Variants in DHX58 observed in about 807,000 individuals in gnomAD.
DHX58 encodes the protein DExH-box helicase 58, also known as ATP-dependent RNA helicase DHX58.
A neutral mutation model predicts 65.0 loss-of-function variants in DHX58; 51 were observed. That is an observed-to-expected ratio of 0.78 (90% CI 0.63 to 0.99). The LOEUF is 0.99. Among genes scored for constraint, DHX58 ranks in the 50% least tolerant of loss-of-function variants. The pLI is 0.00. For missense variants in DHX58, 773 were observed against 891.8 expected (o/e 0.87, Z 1.70); for synonymous variants, 350 against 365.0 (o/e 0.96, Z 0.47).
At chr17:42,106,073 C>T (rs781940781) in intron 8 of DHX58, 84 bp from the exon 9 acceptor site, 597 of 1,469,310 alleles carry the variant, frequency 4.1e-4, no homozygotes, top group Non-Finnish European at 5.1e-4. Context: ...GCAGAAGGAT[C>T]GCTTAAGCCT....
At chr17:42,104,638 C>G in intron 11 of DHX58, 128 bp downstream of exon 11, 3 of 1,310,916 alleles carry the variant, frequency 2.3e-6, no homozygotes, top group Non-Finnish European at 3.1e-6. Context: ...TAAACCTTCC[C>G]TAGGTGGCCA....
rs371184991 is a variant in DHX58, at chr17:42,105,811, G to A, written c.1176C>T (p.Gly392=). The A allele has an allele frequency of 1.1e-5, 18 of 1,613,624 alleles. No homozygotes were observed. Among genetic ancestry groups the A allele is most frequent in the Non-Finnish European group, 1.4e-5 (17 of 1,179,852 alleles). ...GGGCCCGGATGTCCACAGTCTGCAG[G>A]CCCTGCTGCTGCTGGAGCCAGAGCA... ...SLLLWLQQQQ[G]LQTVDIRAQL... is the part of the protein sequence containing the mutation. Residue 392 remains glycine (G), a synonymous_variant, in exon 9 of 14, where the codon GGC becomes GGT. Transcript: ENST00000251642.
chr17:42,103,697 G>A lies in DHX58; in HGVS notation c.1665C>T (p.Leu555=), dbSNP rs1236939447. The stretch of plus-strand genomic sequence containing the variant: ...CCACAGCCACCATGCAGTTGATGCA[G>A]AGTAGCTGCACGTGCTCCACTGGGA... ...QQFPVEHVQL[L]CINCMVAVGH... The change falls in exon 12 of 14, where the codon CTC becomes CTT. Residue 555 remains leucine, a synonymous_variant. Transcript: ENST00000251642. The A allele has an allele frequency of 6.2e-7, 1 of 1,613,816 alleles. No homozygotes were observed. Among genetic ancestry groups the A allele is most frequent in the Non-Finnish European group, 8.5e-7 (1 of 1,180,040 alleles).
At position 42,102,215 on chromosome 17, in the gene DHX58, C is replaced by T. The variant is rs782265248; in HGVS notation, c.1851+1G>A. 6.2e-7 allele frequency: 1 copy of T among 1,614,170 alleles called. No homozygotes were observed. The highest frequency in any genetic ancestry group is 1.7e-5 in the Admixed American group (1 of 60,022). ...GCCTGGGACGTGGCCTAAGCTCTTA[C>T]CTCCCCACAGTTCCTGCAGCTGATG... is the stretch of plus-strand genomic sequence containing the variant. On this transcript the variant is annotated splice_donor_variant, in intron 13 of 13. Coordinates refer to ENST00000251642, the MANE Select transcript of DHX58 (RefSeq NM_024119.3). LOFTEE classifies it high-confidence loss of function.
chr17:42,111,800 G>T lies in DHX58; in HGVS notation c.93C>A (p.Thr31=). 1 of 1,614,058 alleles carries T rather than the reference G, an allele frequency of 6.2e-7. No individual in the cohort carries two copies. The highest frequency in any genetic ancestry group is 8.5e-7 in the Non-Finnish European group (1 of 1,179,960). The change falls in exon 3 of 14, where the codon ACC becomes ACA. Residue 31 remains threonine, a synonymous_variant. Transcript: ENST00000251642. ...IIWLPTGAGK[T]RAAAYVAKRH... Reference sequence around the variant, plus strand: ...GCTTGGCCACATAAGCAGCCGCCCGGGTCTTCCCGGCACCCGTGGGCAGCC... The same window carrying T: ...GCTTGGCCACATAAGCAGCCGCCCGTGTCTTCCCGGCACCCGTGGGCAGCC...
chr17:42,111,608 C>T, intron 3 of DHX58, 111 bp from the exon 4 acceptor site: 1 of 1,572,594 alleles, frequency 6.4e-7, no homozygotes, highest in South Asian at 1.2e-5. Context: ...GGTGGAAAGA[C>T]AGGTGAGCTT....
rs782390274 is a variant in DHX58, at chr17:42,105,708, C to T, written c.1251+28G>A. 21 of 1,529,256 alleles carry T rather than the reference C, an allele frequency of 1.4e-5. No homozygotes were observed. In the South Asian group the frequency reaches 1.4e-4, roughly 10 times the overall value. The allele number at this position is 1,529,256 out of a possible 1,614,324, so 94.7% of individuals were successfully genotyped here. A position where few individuals can be genotyped will look rare whatever the true frequency, so the allele number is the denominator to read the frequency against. ...TTCTCTCCTATGGAATCCCTCCCAG[C>T]GCCAGCATCTTTCCCCGAAGCCCAC... is the stretch of plus-strand genomic sequence containing the variant. On this transcript the variant is annotated intron_variant, in intron 9 of 13. Coordinates refer to ENST00000251642, the MANE Select transcript of DHX58 (RefSeq NM_024119.3).
At chr17:42,103,872 G>T in intron 11 of DHX58, 74 bp from the exon 12 acceptor site, 1 of 1,484,332 alleles carries the variant, frequency 6.7e-7, no homozygotes, top group Non-Finnish European at 9.1e-7. Context: ...GGTTCCCAAA[G>T]AACTAAGATC....
At position 42,107,908 on chromosome 17, in the gene DHX58, GC is replaced by G; in HGVS notation, c.805+73del. 1.9e-6 allele frequency: 3 copies of G among 1,600,476 alleles called. No individual in the cohort carries two copies. The South Asian group carries it at 3.4e-5, about 18-fold the overall frequency. On this transcript the variant is annotated intron_variant, in intron 7 of 13. Coordinates refer to ENST00000251642, the MANE Select transcript of DHX58 (RefSeq NM_024119.3). ...GGGGTGGATAGGCCCCGCCCCAAAG[GC>G]CTCCGCCCCGGCAGGCCCCGCCCCT...
At chr17:42,106,067 A>T in intron 8 of DHX58, 78 bp from the exon 9 acceptor site, 1 of 1,506,436 alleles carries the variant, frequency 6.6e-7, no homozygotes, top group East Asian at 2.3e-5. Context: ...CTGAGGGCAG[A>T]AGGATCGCTT....
Position 42,102,429 on chromosome 17 carries a change from C to T in DHX58, c.1755-117G>A, listed in dbSNP as rs557259920. ...TTGGGCCTTCCTGCTGGTTAAGAGGCACAGACTTCCCAGGCCAGGAAATCC... is the reference window on the plus strand; with the variant it reads ...TTGGGCCTTCCTGCTGGTTAAGAGGTACAGACTTCCCAGGCCAGGAAATCC... On this transcript the variant is annotated intron_variant, in intron 12 of 13. Coordinates refer to ENST00000251642, the MANE Select transcript of DHX58 (RefSeq NM_024119.3). 2.0e-5 allele frequency: 17 copies of T among 837,292 alleles called. No homozygotes were observed. In the Admixed American group the frequency reaches 3.3e-4, roughly 16 times the overall value. 51.9% of individuals were successfully genotyped at this position (837,292 alleles called of 1,614,324 possible).
chr17:42,106,040 C>A (rs1337777178), intron 8 of DHX58, 51 bp from the exon 9 acceptor site: 3 of 1,566,486 alleles, frequency 1.9e-6, no homozygotes, highest in African/African-American at 2.7e-5. Context: ...TGTCTGTAGT[C>A]CCAGATACTT....
intron 5 of DHX58, 76 bp from the exon 6 acceptor site, chr17:42,109,462 TC>T: frequency 7.9e-7 from 1 of 1,261,442 alleles, no homozygotes. Flanking sequence ...GCAGGATGGA[TC>T]CCAGCTGAGG....
chr17:42,108,285 C>T (rs1483301040), intron 6 of DHX58, among the ~76,000 whole-genome samples, 177 bp from the exon 7 acceptor site: 2 of 152,142 alleles, frequency 1.3e-5, no homozygotes, highest in Admixed American at 1.3e-4. Flanking sequence ...CTGTCTCACC[C>T]GCGATGTGCT....
rs1296019816 is a variant in DHX58 at position 42,105,175 on chromosome 17, CG to C, written c.1252-9del. 3 of 1,604,648 alleles carry C rather than the reference CG, an allele frequency of 1.9e-6. No individual in the cohort carries two copies. The highest frequency in any genetic ancestry group is 2.7e-5 in the African/African-American group (2 of 74,658). Reference sequence around the variant, plus strand: ...CACTTCTTGCTGGTCCCTCTGCAGGCGGAGGGCAGGGAGGAGAAAGAGGCTG... The same window carrying C: ...CACTTCTTGCTGGTCCCTCTGCAGGCGAGGGCAGGGAGGAGAAAGAGGCTG... On this transcript the variant is annotated splice_polypyrimidine_tract_variant and intron_variant, in intron 9 of 13. Coordinates refer to ENST00000251642, the MANE Select transcript of DHX58 (RefSeq NM_024119.3).
At position 42,106,005 on chromosome 17, in the gene DHX58, A is replaced by C. The variant is rs782593444; in HGVS notation, c.998-16T>G. The C allele has an allele frequency of 6.2e-7, 1 of 1,605,324 alleles. No homozygotes were observed. The highest frequency in any genetic ancestry group is 1.3e-5 in the African/African-American group (1 of 74,708). ...TTCTTGCGGTCTGTCAAAAACCCCA[A>C]AATTTAGCTGGGTGTAGTGGCACAT... On this transcript the variant is annotated splice_polypyrimidine_tract_variant and intron_variant, in intron 8 of 13. Transcript: ENST00000251642.
At chr17:42,103,428 C>T (rs2054007418) in intron 12 of DHX58, 180 bp downstream of exon 12, 1 of 762,938 alleles carries the variant, frequency 1.3e-6, no homozygotes, top group Non-Finnish European at 2.1e-6. Context: ...CATAGCCTCT[C>T]TGAGCCTCTA....
chr17:42,102,196 G>C lies in DHX58; in HGVS notation c.1851+20C>G, dbSNP rs782712379. 18 of 1,613,244 alleles carry C rather than the reference G, an allele frequency of 1.1e-5. No individual in the cohort carries two copies. Among genetic ancestry groups the C allele is most frequent in the Admixed American group, 1.7e-5 (1 of 59,996 alleles). ...TGGGGCTGAGGACTCTGGGGCCTGG[G>C]ACGTGGCCTAAGCTCTTACCTCCCC... On this transcript the variant is annotated intron_variant, in intron 13 of 13. Transcript: ENST00000251642.
At position 42,111,809 on chromosome 17, in the gene DHX58, G is replaced by C. The variant is rs782727832; in HGVS notation, c.84C>G (p.Ala28=). ...CATAAGCAGCCGCCCGGGTCTTCCCGGCACCCGTGGGCAGCCAGATGATGA... is the reference window on the plus strand; with the variant it reads ...CATAAGCAGCCGCCCGGGTCTTCCCCGCACCCGTGGGCAGCCAGATGATGA... ...KNIIIWLPTG[A]GKTRAAAYVA... is the part of the protein sequence containing the mutation. Residue 28 remains alanine (A), a synonymous_variant, in exon 3 of 14, where the codon GCC becomes GCG. Transcript: ENST00000251642. 5.0e-6 allele frequency: 8 copies of C among 1,613,946 alleles called. No individual in the cohort carries two copies. The highest frequency in any genetic ancestry group is 4.0e-5 in the African/African-American group (3 of 74,918).
Sources: allele counts gnomAD v4.1 joint callset (sites outside exome capture counted in the v4.1 genomes callset), GRCh38; gene constraint gnomAD v4.1.1; transcripts MANE v1.5; gene names NCBI Gene and HGNC (gene_info 2026-07-23, HGNC 2026-07-21).